ZNF469: variants seen among roughly 807,000 people sequenced by gnomAD.
ZNF469 encodes zinc finger protein 469.
ZNF469 carries 1 observed loss-of-function variant against 1.0 expected under a neutral mutation model. The observed-to-expected ratio is 1.00, with a 90% CI of 0.35 to 4.73. ZNF469 has a LOEUF of 4.73. Among genes scored for constraint, ZNF469 ranks in the 30% most tolerant of loss-of-function variants. The pLI is 0.16. For synonymous variants in ZNF469, 2,703 were observed against 2,363.4 expected, an observed-to-expected ratio of 1.14 and a Z score of -4.17; for missense variants, 6,100 against 5,356.3, an observed-to-expected ratio of 1.14 and a Z score of -4.33.
upstream of ZNF469, among the ~76,000 whole-genome samples, chr16:88,380,716 TC>T (rs1343566460): frequency 1.0e-5 from 1 of 100,338 alleles, no homozygotes; most frequent in Non-Finnish European, 2.0e-5. Flanking sequence ...AGACATGCAC[TC>T]ATACACACAC....
intron 1 of ZNF469, among the ~76,000 whole-genome samples, chr16:88,415,966 A>G (rs1905291503): frequency 6.6e-6 from 1 of 152,122 alleles, no homozygotes; most frequent in African/African-American, 2.4e-5. Flanking sequence ...GAGTGCGGAC[A>G]CCCCATCCCC....
chr16:88,256,910 C>CT, the ZNF469 span, among the ~76,000 whole-genome samples: 3 of 7,534 alleles, frequency 4.0e-4, no homozygotes, highest in African/African-American at 1.0e-3. Context: ...TTCTTTCTTT[C>CT]TTTCTTTCTT....
the ZNF469 span, among the ~76,000 whole-genome samples, chr16:88,318,856 C>T: frequency 6.6e-6 from 1 of 152,270 alleles, no homozygotes; most frequent in Non-Finnish European, 1.5e-5. Flanking sequence ...AGACGGCCAT[C>T]ATGCAAACAG....
intron 1 of ZNF469, among the ~76,000 whole-genome samples, chr16:88,420,964 G>A (rs1354490230): frequency 6.6e-6 from 1 of 152,094 alleles, no homozygotes; most frequent in East Asian, 1.9e-4. Flanking sequence ...AACGGGAGGG[G>A]CAACCCAATC....
At chr16:88,247,126 A>C in the ZNF469 span, among the ~76,000 whole-genome samples, 1 of 152,004 alleles carries the variant, frequency 6.6e-6, no homozygotes, top group African/African-American at 2.4e-5. Context: ...TGAGTGAGTG[A>C]ATGAGTGGAT....
chr16:88,222,498 C>G, the ZNF469 span, among the ~76,000 whole-genome samples: 1 of 152,320 alleles, frequency 6.6e-6, no homozygotes, highest in South Asian at 2.1e-4. Flanking sequence ...TGGCTCACGC[C>G]TGTAATCCCA....
the ZNF469 span, among the ~76,000 whole-genome samples, chr16:88,197,642 C>G: frequency 2.6e-4 from 39 of 152,212 alleles, no homozygotes; most frequent in Admixed American, 2.5e-3. Context: ...GTTCCTGGGG[C>G]CCAGAGTCTG....
intron 1 of ZNF469, among the ~76,000 whole-genome samples, chr16:88,416,033 A>G (rs574330149): frequency 5.3e-5 from 8 of 152,242 alleles, no homozygotes; most frequent in African/African-American, 1.4e-4. Context: ...AGGCAAAATT[A>G]TAATCACTTT....
At chr16:88,290,383 C>A in the ZNF469 span, among the ~76,000 whole-genome samples, 11 of 152,212 alleles carry the variant, frequency 7.2e-5, no homozygotes, top group East Asian at 1.9e-3. Context: ...GTGTTGGGAG[C>A]CTTTCGAAAG....
chr16:88,226,993 T>C, the ZNF469 span, among the ~76,000 whole-genome samples: 11 of 151,136 alleles, frequency 7.3e-5, no homozygotes, highest in African/African-American at 2.4e-4. Context: ...GCCTGCGCGT[T>C]TCCACCCGTG....
rs775177892 is a variant in ZNF469, at chr16:88,437,949, C to T, written c.10479C>T (p.Pro3493=). ...APGPGEDRPP[P]RGSSPILSEG... Reference sequence around the variant, plus strand: ...GGCCCGGCGAGGACAGGCCTCCTCCCCGGGGAAGCAGCCCCATCCTGAGTG... The same window carrying T: ...GGCCCGGCGAGGACAGGCCTCCTCCTCGGGGAAGCAGCCCCATCCTGAGTG... Residue 3493 remains proline (P), a synonymous_variant, in exon 3 of 3, where the codon CCC becomes CCT. Transcript: ENST00000565624. 4 of 1,543,558 alleles carry T rather than the reference C, an allele frequency of 2.6e-6. No individual in the cohort carries two copies. In the South Asian group the frequency reaches 4.8e-5, roughly 18 times the overall value.
chr16:88,197,182 G>A, the ZNF469 span, among the ~76,000 whole-genome samples: 1 of 152,178 alleles, frequency 6.6e-6, no homozygotes, highest in Non-Finnish European at 1.5e-5. Context: ...GGATAAAGCT[G>A]TACTTGCAGG....
rs377601744 is a variant in ZNF469 at position 88,410,467 on chromosome 16, A to C, written c.-191-14340A>C. Among the ~76,000 whole-genome samples, 778 of 147,016 alleles carry C rather than the reference A, an allele frequency of 5.3e-3. 10 individuals are homozygous for C. Among genetic ancestry groups the C allele is most frequent in the African/African-American group, 0.019 (744 of 39,130 alleles). On this transcript the variant is annotated intron_variant, in intron 1 of 2. Coordinates refer to ENST00000565624, the MANE Select transcript of ZNF469 (RefSeq NM_001367624.2). ...GGTCACACAGTGACATCTATGATGC[A>C]CGGTTCACGGTGACGTCTATGATGC... is the stretch of plus-strand genomic sequence containing the variant.
the ZNF469 span, chr16:88,195,013 C>T: frequency 1.3e-5 from 2 of 152,180 alleles, no homozygotes; most frequent in African/African-American, 4.8e-5. Context: ...CACGTAGGCC[C>T]CAGAGGTGCA....
At chr16:88,102,389 A>G in the ZNF469 span, among the ~76,000 whole-genome samples, 2 of 152,312 alleles carry the variant, frequency 1.3e-5, no homozygotes, top group Non-Finnish European at 1.5e-5. Flanking sequence ...GTGTGGTGGC[A>G]GGCACCTGTA....
the ZNF469 span, among the ~76,000 whole-genome samples, chr16:88,317,526 G>A: frequency 6.6e-6 from 1 of 152,184 alleles, no homozygotes; most frequent in Non-Finnish European, 1.5e-5. Flanking sequence ...TTCCCTGGGA[G>A]GGGTCTCTCC....
the ZNF469 span, among the ~76,000 whole-genome samples, chr16:88,220,939 C>G: frequency 1.3e-5 from 2 of 152,228 alleles, no homozygotes; most frequent in Admixed American, 6.5e-5. Context: ...CTGCCCTGTA[C>G]AGGGAGCCTC....
the ZNF469 span, among the ~76,000 whole-genome samples, chr16:88,370,777 T>G: frequency 1.3e-5 from 2 of 152,234 alleles, no homozygotes; most frequent in Non-Finnish European, 2.9e-5. Context: ...CTGTGGCTCC[T>G]GCCTTCAAGA....
rs781493176 is a variant in ZNF469 at position 88,431,168 on chromosome 16, A to G, written c.3698A>G (p.Glu1233Gly). The change falls in exon 3 of 3, where the codon GAG becomes GGG. Residue 1233 changes from glutamate to glycine, a missense_variant. Glu to Gly is a moderately conservative substitution (Grantham distance 98, BLOSUM62 -2). Transcript: ENST00000565624. Reference protein sequence around the residue: ...QEAKEPETAEESAPDSTEFTE... With the variant: ...QEAKEPETAEGSAPDSTEFTE... ...GCCAAGGAGCCTGAAACTGCCGAAG[A>G]GTCAGCCCCGGACAGCACAGAATTC... 3.9e-6 allele frequency: 6 copies of G among 1,550,170 alleles called. No individual in the cohort carries two copies. Among genetic ancestry groups the G allele is most frequent in the African/African-American group, 1.4e-5 (1 of 73,030 alleles).
Sources: gnomAD v4.1 joint callset for allele counts (sites outside exome capture counted in the v4.1 genomes callset) on GRCh38, gnomAD v4.1.1 for gene constraint, MANE v1.5 for transcripts, NCBI Gene and HGNC (gene_info 2026-07-23, HGNC 2026-07-21) for gene names.